ATP6V1A: variants seen among roughly 807,000 people sequenced by gnomAD.
The protein encoded by ATP6V1A is ATPase H+ transporting V1 subunit A.
Under a neutral mutation model 70.1 loss-of-function variants are expected in ATP6V1A, and 18 were observed. That is an observed-to-expected ratio of 0.26 (90% CI 0.18 to 0.38). ATP6V1A has a LOEUF of 0.38. ATP6V1A is among the 10% of genes least tolerant of loss of function. The probability of loss-of-function intolerance (pLI) is 1.00; values close to 1 mark genes in which losing one functional copy is unlikely to be tolerated. For missense variants in ATP6V1A, 424 were observed against 772.4 expected (o/e 0.55, Z 5.35); for synonymous variants, 232 against 253.8 (o/e 0.91, Z 0.82).
chr3:113,779,561 A>G (rs1457800389), intron 2 of ATP6V1A, among the ~76,000 whole-genome samples: 1 of 152,186 alleles, frequency 6.6e-6, no homozygotes, highest in Non-Finnish European at 1.5e-5. Flanking sequence ...TGGTGATGAC[A>G]GTTTTTTGAT....
chr3:113,790,993 T>G (rs995201266), intron 8 of ATP6V1A, among the ~76,000 whole-genome samples: 1 of 152,160 alleles, frequency 6.6e-6, no homozygotes, highest in African/African-American at 2.4e-5. Context: ...TCTTTAAATT[T>G]GAAGTCTCTT....
chr3:113,774,995 C>T (rs1708892140), intron 1 of ATP6V1A, among the ~76,000 whole-genome samples: 2 of 151,920 alleles, frequency 1.3e-5, no homozygotes, highest in South Asian at 2.1e-4. Flanking sequence ...AAAGATTATA[C>T]TTTGAGGGAC....
chr3:113,787,362 G>A (rs1402268027), intron 6 of ATP6V1A, among the ~76,000 whole-genome samples: 1 of 152,200 alleles, frequency 6.6e-6, no homozygotes, highest in African/African-American at 2.4e-5. Context: ...TAAGTTTGAT[G>A]CTGGATCTAC....
At chr3:113,793,057 T>G (rs368465527) in intron 8 of ATP6V1A, among the ~76,000 whole-genome samples, 31 of 152,248 alleles carry the variant, frequency 2.0e-4, no homozygotes, top group Non-Finnish European at 2.9e-4. Context: ...TGTTGTTTTT[T>G]TTTGTTTGTT....
At chr3:113,808,870 A>G (rs781179473) in intron 14 of ATP6V1A, among the ~76,000 whole-genome samples, 1 of 152,148 alleles carries the variant, frequency 6.6e-6, no homozygotes, top group Non-Finnish European at 1.5e-5. Flanking sequence ...TATCCTTAAG[A>G]AAAAGGGAAA....
chr3:113,805,170 A>G (rs1406505234), intron 13 of ATP6V1A, among the ~76,000 whole-genome samples, 184 bp from the exon 14 acceptor site: 1 of 152,246 alleles, frequency 6.6e-6, no homozygotes, highest in African/African-American at 2.4e-5. Flanking sequence ...ATCTCTGTCC[A>G]AAAACTCTGG....
intron 8 of ATP6V1A, among the ~76,000 whole-genome samples, chr3:113,790,462 A>G (rs1017435221): frequency 6.6e-6 from 1 of 152,082 alleles, no homozygotes; most frequent in Non-Finnish European, 1.5e-5. Context: ...TTTTAAATAT[A>G]CTTGTACCTT....
intron 1 of ATP6V1A, among the ~76,000 whole-genome samples, chr3:113,755,044 A>G (rs528881414): frequency 2.0e-5 from 3 of 152,122 alleles, no homozygotes; most frequent in African/African-American, 7.2e-5. Flanking sequence ...TAAGCTGTCC[A>G]AAGTTTTTTT....
chr3:113,759,094 T>G (rs1488793292), intron 1 of ATP6V1A, among the ~76,000 whole-genome samples: 1 of 152,214 alleles, frequency 6.6e-6, no homozygotes, highest in African/African-American at 2.4e-5. Context: ...TTTCTCCCAG[T>G]CTTTACCTTG....
At chr3:113,805,664 G>C (rs1178819982) in intron 14 of ATP6V1A, 139 bp downstream of exon 14, 9 of 838,878 alleles carry the variant, frequency 1.1e-5, no homozygotes, top group Non-Finnish European at 1.6e-5. Flanking sequence ...TGCCTCCTGG[G>C]TTCAAACGAT....
At chr3:113,796,407 A>T (rs1391457073) in intron 11 of ATP6V1A, among the ~76,000 whole-genome samples, 2 of 152,168 alleles carry the variant, frequency 1.3e-5, no homozygotes, top group Non-Finnish European at 2.9e-5. Flanking sequence ...TAGCTGACAC[A>T]AGGGAGCTGG....
intron 1 of ATP6V1A, among the ~76,000 whole-genome samples, chr3:113,763,789 G>A (rs570270900): frequency 1.3e-5 from 2 of 152,204 alleles, no homozygotes; most frequent in African/African-American, 4.8e-5. Context: ...ATCAAATAAA[G>A]GAGTTTATTA....
intron 5 of ATP6V1A, among the ~76,000 whole-genome samples, chr3:113,785,618 A>G (rs1055864447): frequency 2.1e-5 from 3 of 140,398 alleles, no homozygotes; most frequent in African/African-American, 8.0e-5. Context: ...AAGCAGTTCT[A>G]TCACCTCAGC....
At chr3:113,759,669 A>G (rs1214388207) in intron 1 of ATP6V1A, among the ~76,000 whole-genome samples, 1 of 152,130 alleles carries the variant, frequency 6.6e-6, no homozygotes, top group Non-Finnish European at 1.5e-5. Context: ...TGATGGTAAT[A>G]TTTGGATTCA....
intron 1 of ATP6V1A, among the ~76,000 whole-genome samples, chr3:113,762,708 C>T (rs1049395761): frequency 1.3e-5 from 2 of 151,910 alleles, no homozygotes; most frequent in Non-Finnish European, 1.5e-5. Context: ...CTTGGCACTA[C>T]GAACTTGGAA....
intron 1 of ATP6V1A, among the ~76,000 whole-genome samples, chr3:113,759,574 A>C (rs1428706410): frequency 6.6e-6 from 1 of 152,082 alleles, no homozygotes; most frequent in East Asian, 1.9e-4. Flanking sequence ...ATAAAATTAT[A>C]ACTTAATAAA....
Position 113,784,825 on chromosome 3 carries a change from G to C in ATP6V1A, c.556G>C (p.Asp186His), listed in dbSNP as rs150087695. 1 of 1,613,910 alleles carries C rather than the reference G, an allele frequency of 6.2e-7. No individual in the cohort carries two copies. ...VTYIAPPGNY[D>H]TSDVVLELEF... ...TTACATTGCTCCACCTGGGAATTAT[G>C]ATACCTCTGTAAGTATCATTTGAAC... The change falls in exon 5 of 15, where the codon GAT becomes CAT. Residue 186 changes from aspartate (D) to histidine (H), a missense_variant. Physicochemically the swap from Asp to His is moderately conservative, Grantham distance 81. Transcript: ENST00000273398.
intron 6 of ATP6V1A, among the ~76,000 whole-genome samples, chr3:113,786,950 T>C (rs965902428): frequency 3.3e-5 from 5 of 152,094 alleles, no homozygotes; most frequent in Non-Finnish European, 5.9e-5. Flanking sequence ...GGCTAATTTT[T>C]TGTATTTTTG....
intron 13 of ATP6V1A, among the ~76,000 whole-genome samples, chr3:113,805,125 G>A (rs1240910388): frequency 1.3e-5 from 2 of 152,094 alleles, no homozygotes; most frequent in Non-Finnish European, 2.9e-5. Context: ...ATAAATACAA[G>A]AATATATATC....
Sources: allele counts gnomAD v4.1 joint callset (sites outside exome capture counted in the v4.1 genomes callset), GRCh38; gene constraint gnomAD v4.1.1; transcripts MANE v1.5; gene names NCBI Gene and HGNC (gene_info 2026-07-23, HGNC 2026-07-21).